Variants in CFAP92 observed in about 807,000 individuals in gnomAD.
CFAP92 encodes the protein cilia and flagella associated protein 92 (putative), also known as uncharacterized protein CFAP92.
In CFAP92, 86 loss-of-function variants were observed where a neutral mutation model predicts 106.3. The ratio of observed to expected loss-of-function variants is 0.81; its 90% CI spans 0.68 to 0.97. CFAP92 has a LOEUF of 0.97. Among genes scored for constraint, CFAP92 ranks in the 50% least tolerant of loss-of-function variants. The pLI is 0.00. For missense variants in CFAP92, 1,204 were observed against 1,283.8 expected, an observed-to-expected ratio of 0.94 and a Z score of 0.95; for synonymous variants, 477 against 506.4, an observed-to-expected ratio of 0.94 and a Z score of 0.78.
upstream of CFAP92, chr3:129,003,694 T>C (rs953762326): frequency 6.2e-6 from 7 of 1,130,094 alleles, no homozygotes; most frequent in Non-Finnish European, 6.7e-6. Context: ...GCTCAAGCGC[T>C]TCTGGGTGCA....
intron 6 of CFAP92, among the ~76,000 whole-genome samples, chr3:128,976,270 A>G (rs1294248615): frequency 6.6e-6 from 1 of 152,212 alleles, no homozygotes; most frequent in African/African-American, 2.4e-5. Flanking sequence ...ATTCACTTAT[A>G]GGAATTATCC....
At position 128,945,129 on chromosome 3, in the gene CFAP92, TG is replaced by T; in HGVS notation, c.2199del (p.Phe733LeufsTer11). The T allele has an allele frequency of 1.3e-6, 2 of 1,535,746 alleles. No homozygotes were observed. The highest frequency in any genetic ancestry group is 1.7e-6 in the Non-Finnish European group (2 of 1,146,598). Reference protein sequence around the residue: ...FHLLDGKTHLFILEGLADQGL... With the variant: ...FHLLDGKTHLXILEGLADQGL... The stretch of plus-strand genomic sequence containing the variant: ...CCTTGGTCGGCCAGGCCTTCCAGGA[TG>T]AAAAGGTGTGTCTTCCCGTCCAGCA... On this transcript the variant is annotated frameshift_variant, in exon 10 of 16. Coordinates refer to ENST00000645291, the MANE Select transcript of CFAP92 (RefSeq NM_001394090.1). LOFTEE classifies it high-confidence loss of function.
At chr3:129,003,066 T>C (rs1269896035), upstream of CFAP92, among the ~76,000 whole-genome samples, 1 of 152,114 alleles carries the variant, frequency 6.6e-6, no homozygotes, top group Non-Finnish European at 1.5e-5. Context: ...GAACAGCCCC[T>C]ACCCCAGGCG....
At chr3:128,991,993 G>A in intron 2 of CFAP92, 3 of 519,532 alleles carry the variant, frequency 5.8e-6, no homozygotes, top group Non-Finnish European at 7.4e-6. Flanking sequence ...GAGTGTTTGT[G>A]GGGCTAGGCT....
At chr3:128,993,430 T>C in intron 1 of CFAP92, 94 bp from the exon 2 acceptor site, 1 of 1,296,850 alleles carries the variant, frequency 7.7e-7, no homozygotes, top group East Asian at 2.5e-5. Flanking sequence ...CACCCTTCTC[T>C]TCCCTGCTTC....
At chr3:128,956,783 T>C (rs1389756549) in intron 9 of CFAP92, among the ~76,000 whole-genome samples, 2 of 151,860 alleles carry the variant, frequency 1.3e-5, no homozygotes, top group Non-Finnish European at 2.9e-5. Context: ...AGTTTGACAC[T>C]AGCCTGGCTA....
chr3:128,920,480 T>C (rs1444867513), intron 12 of CFAP92, among the ~76,000 whole-genome samples: 2 of 152,042 alleles, frequency 1.3e-5, no homozygotes, highest in African/African-American at 4.8e-5. Context: ...CTGGAACCTA[T>C]AGAAAAAATA....
upstream of CFAP92, among the ~76,000 whole-genome samples, chr3:128,997,902 C>T (rs1944540246): frequency 6.6e-6 from 1 of 152,224 alleles, no homozygotes; most frequent in South Asian, 2.1e-4. Flanking sequence ...ACAGGGGCTG[C>T]ATCATTTTGT....
At position 128,994,039 on chromosome 3, in the gene CFAP92, C is replaced by T. The variant is rs1051601372; in HGVS notation, c.-92G>A. 3.0e-6 allele frequency: 3 copies of T among 986,628 alleles called. No homozygotes were observed. The African/African-American group carries it at 5.2e-5, about 17-fold the overall frequency. 61.1% of individuals were successfully genotyped at this position (986,628 alleles called of 1,614,324 possible). A position where few individuals can be genotyped will look rare whatever the true frequency, so the allele number is the denominator to read the frequency against. On this transcript the variant is annotated 5_prime_UTR_variant, in exon 1 of 16. Coordinates refer to ENST00000645291, the MANE Select transcript of CFAP92 (RefSeq NM_001394090.1). ...TGGACCGCGGCGGCAACTCCCGTAC[C>T]GGATCCACAGCCACCTGGGCGAAGA...
upstream of CFAP92, among the ~76,000 whole-genome samples, chr3:129,006,218 C>CT (rs1159676256): frequency 1.3e-5 from 2 of 152,258 alleles, no homozygotes; most frequent in African/African-American, 4.8e-5. Context: ...ACGATGGCTG[C>CT]TGTGCCTCCA....
chr3:129,001,618 GCGGCGCAGCGATGGAGCCGGTCAGCA>G (rs1944753951), intron 1 of CFAP92: 1 of 1,351,220 alleles, frequency 7.4e-7, no homozygotes, highest in East Asian at 3.0e-5. Context: ...AGCGAGGCGC[GCGGCGCAGCGATGGAGCCGGTCAGCA>G]CGGGCGCGGA....
At chr3:128,966,865 C>T (rs1053932099) in intron 8 of CFAP92, 2 of 152,176 alleles carry the variant, frequency 1.3e-5, no homozygotes, top group African/African-American at 2.4e-5. Context: ...CCACCACACC[C>T]AGCCCAGAAT....
Position 128,932,865 on chromosome 3 carries a change from A to G in CFAP92, c.2586T>C (p.Asp862=). Residue 862 remains aspartate (D), a synonymous_variant, in exon 12 of 16, where the codon GAT becomes GAC. Coordinates refer to ENST00000645291, the MANE Select transcript of CFAP92 (RefSeq NM_001394090.1). ...GAGGTGGTAGGGCAAACAGTTTCTC[A>G]TCTGTGAGTTCTTCTTGCGAAAGGG... ...GMPLSQEELT[D]EKLFALPPQP... is the part of the protein sequence containing the mutation. 6.5e-7 allele frequency: 1 copy of G among 1,536,056 alleles called. No homozygotes were observed.
intron 4 of CFAP92, among the ~76,000 whole-genome samples, chr3:128,979,712 C>A (rs993694985): frequency 4.0e-5 from 6 of 151,774 alleles, no homozygotes; most frequent in African/African-American, 1.5e-4. Flanking sequence ...AAACCAAACA[C>A]CGCATGTTCT....
At chr3:128,951,530 TG>T (rs1204307949) in intron 9 of CFAP92, among the ~76,000 whole-genome samples, 1 of 152,022 alleles carries the variant, frequency 6.6e-6, no homozygotes, top group Non-Finnish European at 1.5e-5. Context: ...ACAAAGACTT[TG>T]AAAAGTACAG....
chr3:129,013,414 T>C, the CFAP92 span, among the ~76,000 whole-genome samples: 89 of 152,338 alleles, frequency 5.8e-4, no homozygotes, highest in African/African-American at 2.0e-3. Context: ...CGTATATAGC[T>C]TCAGGCATGG....
chr3:129,001,986 G>T (rs1472684251), intron 1 of CFAP92: 2 of 1,545,702 alleles, frequency 1.3e-6, no homozygotes, highest in Non-Finnish European at 8.7e-7. Flanking sequence ...GTTGGCCACG[G>T]ACGGGGACTC....
chr3:128,967,262 G>C (rs1288914634), intron 8 of CFAP92: 1 of 152,188 alleles, frequency 6.6e-6, no homozygotes, highest in African/African-American at 2.4e-5. Flanking sequence ...ACAGCCATCT[G>C]CACAGGCTGT....
intron 2 of CFAP92, among the ~76,000 whole-genome samples, chr3:128,989,920 GA>G (rs1382889559): frequency 6.6e-6 from 1 of 152,152 alleles, no homozygotes; most frequent in Non-Finnish European, 1.5e-5. Flanking sequence ...TCTGTAGACA[GA>G]AAGGCAAGTT....
Sources: gnomAD v4.1 joint callset for allele counts (sites outside exome capture counted in the v4.1 genomes callset) on GRCh38, gnomAD v4.1.1 for gene constraint, MANE v1.5 for transcripts, NCBI Gene and HGNC (gene_info 2026-07-23, HGNC 2026-07-21) for gene names.